KLHL1: variants seen among roughly 807,000 people sequenced by gnomAD.
KLHL1 encodes the protein kelch like family member 1.
A neutral mutation model predicts 77.7 loss-of-function variants in KLHL1; 47 were observed. The ratio of observed to expected loss-of-function variants is 0.60; its 90% CI spans 0.48 to 0.77. The LOEUF is 0.77. Among genes scored for constraint, KLHL1 ranks in the 30% least tolerant of loss-of-function variants. KLHL1 has a pLI of 0.00. For missense variants in KLHL1, 925 were observed against 910.8 expected, an observed-to-expected ratio of 1.02 and a Z score of -0.20; for synonymous variants, 360 against 325.2, an observed-to-expected ratio of 1.11 and a Z score of -1.15.
At chr13:69,871,726 CT>C (rs76951131) in intron 5 of KLHL1, among the ~76,000 whole-genome samples, 9,163 of 141,758 alleles carry the variant, frequency 0.065, 316 homozygotes, top group Admixed American at 0.12. Flanking sequence ...ATTCGGCCAA[CT>C]TTTTTTTTTT....
intron 10 of KLHL1, 59 bp from the exon 11 acceptor site, chr13:69,701,820 A>C: frequency 1.6e-6 from 2 of 1,217,190 alleles, no homozygotes; most frequent in Non-Finnish European, 2.3e-6. Flanking sequence ...TATAAAACTT[A>C]TATTTTAAAA....
intron 1 of KLHL1, among the ~76,000 whole-genome samples, chr13:70,086,445 G>A (rs1887538059): frequency 6.6e-6 from 1 of 151,348 alleles, no homozygotes; most frequent in Admixed American, 6.6e-5. Flanking sequence ...TAGCCTGGCG[G>A]TGGTGGGCAC....
intron 4 of KLHL1, among the ~76,000 whole-genome samples, chr13:69,930,654 A>T (rs556846248): frequency 2.0e-5 from 3 of 151,906 alleles, no homozygotes; most frequent in East Asian, 3.9e-4. Context: ...TTTATATATT[A>T]TTTACGCTTT....
At chr13:69,734,994 T>C (rs79492279) in intron 8 of KLHL1, among the ~76,000 whole-genome samples, 4,117 of 152,184 alleles carry the variant, frequency 0.027, 74 homozygotes, top group Middle Eastern at 0.045. Context: ...ATAAGCAACT[T>C]TGATGCAAAG....
intron 1 of KLHL1, among the ~76,000 whole-genome samples, chr13:70,105,488 A>G (rs1000463969): frequency 1.3e-4 from 20 of 151,644 alleles, no homozygotes; most frequent in African/African-American, 4.3e-4. Flanking sequence ...AAGAATTTAA[A>G]AATTGACAAA....
At chr13:70,065,143 G>A (rs1886976780) in intron 1 of KLHL1, among the ~76,000 whole-genome samples, 1 of 152,026 alleles carries the variant, frequency 6.6e-6, no homozygotes, top group African/African-American at 2.4e-5. Context: ...CTTGAATATT[G>A]GCCTAACCAC....
At chr13:69,853,524 T>A (rs1452274140) in intron 5 of KLHL1, among the ~76,000 whole-genome samples, 2 of 151,996 alleles carry the variant, frequency 1.3e-5, no homozygotes, top group East Asian at 3.9e-4. Flanking sequence ...GTAATACAAC[T>A]ACTTACACTT....
chr13:69,954,887 A>G (rs951074854), intron 3 of KLHL1, among the ~76,000 whole-genome samples: 1 of 151,138 alleles, frequency 6.6e-6, no homozygotes, highest in Non-Finnish European at 1.5e-5. Flanking sequence ...TAAGGATTTA[A>G]TTGTGATATA....
intron 7 of KLHL1, among the ~76,000 whole-genome samples, chr13:69,741,363 G>T (rs920610522): frequency 6.6e-6 from 1 of 152,040 alleles, no homozygotes; most frequent in African/African-American, 2.4e-5. Flanking sequence ...TCCTAAAAGG[G>T]TACAATTTGA....
chr13:69,990,530 A>G (rs980539002), intron 1 of KLHL1, among the ~76,000 whole-genome samples: 10 of 152,110 alleles, frequency 6.6e-5, no homozygotes, highest in African/African-American at 2.4e-4. Flanking sequence ...CCTAATTTCA[A>G]GCACAAAAGA....
intron 7 of KLHL1, among the ~76,000 whole-genome samples, chr13:69,750,099 T>C (rs1369058821): frequency 6.6e-6 from 1 of 151,554 alleles, no homozygotes; most frequent in African/African-American, 2.4e-5. Flanking sequence ...TTTATTTTGA[T>C]TTAATCATTG....
At chr13:69,859,627 G>T (rs749918865) in intron 5 of KLHL1, among the ~76,000 whole-genome samples, 13 of 152,032 alleles carry the variant, frequency 8.6e-5, no homozygotes, top group Non-Finnish European at 1.3e-4. Flanking sequence ...TTGTATAAAA[G>T]GGATATGCTC....
intron 7 of KLHL1, among the ~76,000 whole-genome samples, chr13:69,758,837 TTAA>T (rs1874888053): frequency 6.6e-6 from 1 of 152,184 alleles, no homozygotes; most frequent in African/African-American, 2.4e-5. Context: ...TGTTTAATAA[TTAA>T]TGTTTCCGTA....
Position 69,837,644 on chromosome 13 carries a change from GTGTATATATA to G in KLHL1, c.1414+1322_1414+1331del, listed in dbSNP as rs1879066789. Among the ~76,000 whole-genome samples the G allele has an allele frequency of 1.9e-3, 240 of 123,240 alleles. 2 individuals carry two copies. The highest frequency in any genetic ancestry group is 8.5e-3 in the African/African-American group (228 of 26,736). The allele number at this position is 123,240 out of a possible 152,430, so 80.9% of individuals were successfully genotyped here. A position where few individuals can be genotyped will look rare whatever the true frequency, so the allele number is the denominator to read the frequency against. ...TATATGTGTGTGTATATATATATAT[GTGTATATATA>G]TATGTGTGTGTGTGTGTATATATAT... On this transcript the variant is annotated intron_variant, in intron 6 of 10. Transcript: ENST00000377844.
chr13:70,042,575 A>G (rs1300012906), intron 1 of KLHL1, among the ~76,000 whole-genome samples: 2 of 152,166 alleles, frequency 1.3e-5, no homozygotes, highest in African/African-American at 4.8e-5. Context: ...ATAAACAAAC[A>G]TACTGCACCG....
intron 6 of KLHL1, among the ~76,000 whole-genome samples, chr13:69,824,064 C>A (rs1159520285): frequency 6.6e-6 from 1 of 151,848 alleles, no homozygotes; most frequent in Non-Finnish European, 1.5e-5. Context: ...ACATTAAGTG[C>A]TGCATGTTCA....
intron 3 of KLHL1, among the ~76,000 whole-genome samples, chr13:69,946,887 G>A (rs1360668340): frequency 1.3e-5 from 2 of 150,116 alleles, no homozygotes; most frequent in Non-Finnish European, 2.9e-5. Flanking sequence ...GTATTATTAG[G>A]TTGGTACAAA....
chr13:69,715,742 T>C (rs1876092808), intron 9 of KLHL1, among the ~76,000 whole-genome samples: 1 of 152,062 alleles, frequency 6.6e-6, no homozygotes. Context: ...AACAACAAAC[T>C]AGCTAGTTCT....
chr13:69,825,002 T>G (rs1009256685), intron 6 of KLHL1, among the ~76,000 whole-genome samples: 1 of 152,106 alleles, frequency 6.6e-6, no homozygotes, highest in African/African-American at 2.4e-5. Context: ...TTGAAATGCA[T>G]TAAAAAATTG....
Sources: allele counts gnomAD v4.1 joint callset (sites outside exome capture counted in the v4.1 genomes callset), GRCh38; gene constraint gnomAD v4.1.1; transcripts MANE v1.5; gene names NCBI Gene and HGNC (gene_info 2026-07-23, HGNC 2026-07-21).